The following ADAMTS3 variants were observed in gnomAD, a reference collection of about 807,000 sequenced individuals.
ADAMTS3 encodes the protein ADAM metallopeptidase with thrombospondin type 1 motif 3.
In ADAMTS3, 73 loss-of-function variants were observed where a neutral mutation model predicts 129.0. That is an observed-to-expected ratio of 0.57 (90% confidence interval 0.47 to 0.69). The LOEUF (loss-of-function observed/expected upper bound fraction) is 0.69, where lower values mean the gene tolerates loss of function less well. ADAMTS3 is among the 30% of genes least tolerant of loss of function. The pLI, the probability that ADAMTS3 is intolerant of heterozygous loss-of-function variation, is 0.00. For missense variants in ADAMTS3, 1,457 were observed against 1,514.5 expected, an observed-to-expected ratio of 0.96 and a Z score of 0.63; for synonymous variants, 477 against 510.8, an observed-to-expected ratio of 0.93 and a Z score of 0.89.
At chr4:72,320,024 A>G (rs923421896) in intron 7 of ADAMTS3, 61 bp from the exon 8 acceptor site, 1 of 1,434,890 alleles carries the variant, frequency 7.0e-7, no homozygotes, top group African/African-American at 1.4e-5. Context: ...AAGAATTACA[A>G]CTGGACTTTT....
chr4:72,366,945 T>C (rs553845314), intron 4 of ADAMTS3, among the ~76,000 whole-genome samples: 7 of 152,186 alleles, frequency 4.6e-5, no homozygotes, highest in African/African-American at 1.7e-4. Context: ...TTCTCCTTTC[T>C]CTCCTTTATC....
At chr4:72,511,417 G>GA (rs1277436368) in intron 3 of ADAMTS3, among the ~76,000 whole-genome samples, 3 of 152,086 alleles carry the variant, frequency 2.0e-5, no homozygotes, top group South Asian at 4.2e-4. Context: ...CTCTACAGGG[G>GA]AAAAAAATCT....
chr4:72,340,006 TG>T (rs1176081278), intron 4 of ADAMTS3, among the ~76,000 whole-genome samples: 1 of 152,034 alleles, frequency 6.6e-6, no homozygotes, highest in Non-Finnish European at 1.5e-5. Context: ...GTCAAGGCAG[TG>T]GGGGTACAGA....
At chr4:72,438,505 T>C (rs1174178754) in intron 3 of ADAMTS3, among the ~76,000 whole-genome samples, 2 of 151,754 alleles carry the variant, frequency 1.3e-5, no homozygotes, top group Admixed American at 1.3e-4. Context: ...AATGTCATTG[T>C]TTTACATTTT....
intron 4 of ADAMTS3, among the ~76,000 whole-genome samples, chr4:72,361,381 G>A (rs1720723540): frequency 6.6e-6 from 1 of 152,086 alleles, no homozygotes; most frequent in Admixed American, 6.6e-5. Context: ...CATGGAAGAA[G>A]ATAAGCATAA....
chr4:72,461,145 G>A (rs141813972), intron 3 of ADAMTS3, among the ~76,000 whole-genome samples: 5 of 151,382 alleles, frequency 3.3e-5, no homozygotes, highest in South Asian at 2.1e-4. Flanking sequence ...ATATCAACTC[G>A]ATGAACTATG....
chr4:72,486,894 A>C (rs952887203), intron 3 of ADAMTS3, among the ~76,000 whole-genome samples: 1 of 152,166 alleles, frequency 6.6e-6, no homozygotes, highest in African/African-American at 2.4e-5. Context: ...AAAAGGTAGA[A>C]GGGCAAAATA....
At chr4:72,336,924 G>A (rs780088541) in intron 5 of ADAMTS3, among the ~76,000 whole-genome samples, 2 of 151,976 alleles carry the variant, frequency 1.3e-5, no homozygotes, top group Non-Finnish European at 2.9e-5. Flanking sequence ...AACTGACGTG[G>A]ACACAAATTA....
At chr4:72,451,304 A>G (rs1718397954) in intron 3 of ADAMTS3, among the ~76,000 whole-genome samples, 1 of 151,780 alleles carries the variant, frequency 6.6e-6, no homozygotes, top group Non-Finnish European at 1.5e-5. Context: ...GCTACTCAGA[A>G]CAAATGTCAG....
intron 4 of ADAMTS3, among the ~76,000 whole-genome samples, chr4:72,348,071 T>C (rs1720334274): frequency 6.6e-6 from 1 of 152,096 alleles, no homozygotes; most frequent in African/African-American, 2.4e-5. Context: ...TTAATATTAA[T>C]ATTAACACTT....
intron 4 of ADAMTS3, among the ~76,000 whole-genome samples, chr4:72,371,903 C>CAAA: frequency 7.0e-6 from 1 of 142,438 alleles, no homozygotes; most frequent in Non-Finnish European, 1.6e-5. Context: ...ATACAAATTT[C>CAAA]AAAAAAAAAA....
chr4:72,294,273 G>C (rs1401553872), intron 19 of ADAMTS3, among the ~76,000 whole-genome samples: 1 of 152,020 alleles, frequency 6.6e-6, no homozygotes, highest in Non-Finnish European at 1.5e-5. Flanking sequence ...GTGGAGACTA[G>C]AATGGTGGTG....
intron 3 of ADAMTS3, among the ~76,000 whole-genome samples, chr4:72,528,646 G>A (rs1322535559): frequency 6.6e-6 from 1 of 151,872 alleles, no homozygotes; most frequent in African/African-American, 2.4e-5. Flanking sequence ...CTACTCAGGA[G>A]GATGGAATTT....
At chr4:72,530,225 T>A (rs1265550830) in intron 3 of ADAMTS3, among the ~76,000 whole-genome samples, 1 of 78,596 alleles carries the variant, frequency 1.3e-5, no homozygotes, top group Non-Finnish European at 2.2e-5. Context: ...AATATATATA[T>A]ATTATATATA....
Position 72,568,870 on chromosome 4 carries a change from A to C in ADAMTS3, c.-108T>G. On this transcript the variant is annotated 5_prime_UTR_variant, in exon 1 of 22. It adds an upstream start codon to the 5' untranslated region. Transcript: ENST00000286657. ...TTAAGAAAAAAAGGAAAAGGGAAAA[A>C]ATGCGAAATAGAAAAAAATGATCTT... The C allele has an allele frequency of 1.2e-6, 1 of 815,056 alleles. No homozygotes were observed. 50.5% of individuals were successfully genotyped at this position (815,056 alleles called of 1,614,324 possible).
At chr4:72,453,224 G>A (rs957371513) in intron 3 of ADAMTS3, among the ~76,000 whole-genome samples, 10 of 151,700 alleles carry the variant, frequency 6.6e-5, no homozygotes, top group African/African-American at 1.9e-4. Flanking sequence ...ATTTCTTAGA[G>A]GTTCCTGACT....
chr4:72,508,855 T>C (rs887165493), intron 3 of ADAMTS3, among the ~76,000 whole-genome samples: 1 of 152,126 alleles, frequency 6.6e-6, no homozygotes, highest in East Asian at 1.9e-4. Context: ...ACTATGCCCA[T>C]GGATAGACCA....
intron 15 of ADAMTS3, among the ~76,000 whole-genome samples, chr4:72,306,563 C>T (rs1413601188): frequency 6.6e-6 from 1 of 151,920 alleles, no homozygotes; most frequent in Non-Finnish European, 1.5e-5. Context: ...TATTTAAAGC[C>T]TTCTTTATTC....
rs1164642206 is a variant in ADAMTS3, at chr4:72,281,238, A to ATTGTT, written c.*1893_*1897dup. ...AAAAAAAAAGACTTAAGGCTTAGGG[A>ATTGTT]TTGTTTTACTATCTGGAATTTGCCT... On this transcript the variant is annotated 3_prime_UTR_variant, in exon 22 of 22. Coordinates refer to ENST00000286657, the MANE Select transcript of ADAMTS3 (RefSeq NM_014243.3). 1 of 152,454 alleles carries ATTGTT rather than the reference A, an allele frequency of 6.6e-6. No individual in the cohort carries two copies. The highest frequency in any genetic ancestry group is 1.5e-5 in the Non-Finnish European group (1 of 67,998). The allele number at this position is 152,454 out of a possible 1,614,324, so 9.4% of individuals were successfully genotyped here.
Sources: gnomAD v4.1 joint callset for allele counts (sites outside exome capture counted in the v4.1 genomes callset) on GRCh38, gnomAD v4.1.1 for gene constraint, MANE v1.5 for transcripts, NCBI Gene and HGNC (gene_info 2026-07-23, HGNC 2026-07-21) for gene names.